Variants in RPGRIP1 observed in about 807,000 individuals in gnomAD.
The protein encoded by RPGRIP1 is X-linked retinitis pigmentosa GTPase regulator-interacting protein 1.
A neutral mutation model predicts 157.9 loss-of-function variants in RPGRIP1; 128 were observed. The observed-to-expected ratio is 0.81, with a 90% CI of 0.70 to 0.94. The LOEUF (loss-of-function observed/expected upper bound fraction) is 0.94. Ranked by LOEUF, RPGRIP1 falls within the 40% of genes least tolerant of loss-of-function variation. The pLI is 0.00. For synonymous variants in RPGRIP1, 554 were observed against 571.6 expected (o/e 0.97, Z 0.44); for missense variants, 1,486 against 1,545.8 (o/e 0.96, Z 0.65).
At chr14:21,351,080 C>T in intron 24 of RPGRIP1, 24 bp from the exon 25 acceptor site, 1 of 1,364,982 alleles carries the variant, frequency 7.3e-7, no homozygotes, top group Non-Finnish European at 1.0e-6. Context: ...CTGAGTGATG[C>T]TGTTTTTTTC....
chr14:21,324,224 G>A, intron 14 of RPGRIP1: 1 of 313,186 alleles, frequency 3.2e-6, no homozygotes, highest in Non-Finnish European at 6.1e-6. Context: ...TATCTCCACG[G>A]CCAATATACC....
Position 21,325,068 on chromosome 14 carries a change from T to C in RPGRIP1, c.2213T>C (p.Ile738Thr), listed in dbSNP as rs1448378996. Reference protein sequence around the residue: ...VEKVHGLATLIGAGGEEFGVL... With the variant: ...VEKVHGLATLTGAGGEEFGVL... ...AAAGTCCATGGCTTGGCCACACTGA[T>C]TGGTAAGTGCCGTTGGCTTCCTGCG... The change falls in exon 15 of 25, where the codon ATT becomes ACT. Residue 738 changes from isoleucine (I) to threonine (T), a missense_variant and splice_region_variant. Physicochemically the swap from Ile to Thr is moderately conservative, Grantham distance 89. Transcript: ENST00000400017. 2.5e-6 allele frequency: 4 copies of C among 1,606,662 alleles called. No individual in the cohort carries two copies. Among genetic ancestry groups the C allele is most frequent in the East Asian group, 2.2e-5 (1 of 44,704 alleles).
At position 21,311,916 on chromosome 14, in the gene RPGRIP1, G is replaced by C; in HGVS notation, c.1023G>C (p.Val341=). The C allele has an allele frequency of 1.9e-6, 3 of 1,613,336 alleles. No individual in the cohort carries two copies. The highest frequency in any genetic ancestry group is 2.5e-6 in the Non-Finnish European group (3 of 1,179,640). The change falls in exon 9 of 25, where the codon GTG becomes GTC. Residue 341 remains valine (V), a synonymous_variant. Coordinates refer to ENST00000400017, the MANE Select transcript of RPGRIP1 (RefSeq NM_020366.4). ...TGAAGGAAGAAAGCAAGAAGGCTGT[G>C]AGCTTGAAGAGCCAACTGGAAGATG... ...AELKEESKKA[V]SLKSQLEDVS...
chr14:21,321,706 G>C, intron 13 of RPGRIP1, 148 bp from the exon 14 acceptor site: 1 of 892,340 alleles, frequency 1.1e-6, no homozygotes, highest in Non-Finnish European at 1.7e-6. Context: ...GTCTTGGAGG[G>C]GTCTGCAAGG....
rs1231166099 is a variant in RPGRIP1 at position 21,325,978 on chromosome 14, A to G, written c.2515A>G (p.Ile839Val). 1 of 1,613,970 alleles carries G rather than the reference A, an allele frequency of 6.2e-7. No individual in the cohort carries two copies. Among genetic ancestry groups the G allele is most frequent in the African/African-American group, 1.3e-5 (1 of 75,026 alleles). Reference protein sequence around the residue: ...FTFSDHDTAIIPASNNPYFRD... With the variant: ...FTFSDHDTAIVPASNNPYFRD... ...CTTTTCTGACCATGACACTGCCATC[A>G]TTCCAGCCAGTAACAACCCCTACTT... The change falls in exon 17 of 25, where the codon ATT becomes GTT. Residue 839 changes from isoleucine to valine, a missense_variant. By Grantham distance (29) the Ile-to-Val change is conservative. Coordinates refer to ENST00000400017, the MANE Select transcript of RPGRIP1 (RefSeq NM_020366.4).
At chr14:21,318,447 C>T (rs1882019145) in intron 11 of RPGRIP1, among the ~76,000 whole-genome samples, 3 of 151,604 alleles carry the variant, frequency 2.0e-5, no homozygotes, top group Admixed American at 1.3e-4. Context: ...TTTAAACGTT[C>T]AGTTTATTGA....
rs781067701 is a variant in RPGRIP1 at position 21,345,163 on chromosome 14, G to A, written c.3583G>A (p.Asp1195Asn). 5.6e-6 allele frequency: 9 copies of A among 1,613,308 alleles called. No homozygotes were observed. The highest frequency in any genetic ancestry group is 2.2e-5 in the South Asian group (2 of 91,030). Reference sequence around the variant, plus strand: ...GCAAGGCCGAAGGCGGTTTCTGTTCGACATGCTGAATGGACAAGATCCTGA... The same window carrying A: ...GCAAGGCCGAAGGCGGTTTCTGTTCAACATGCTGAATGGACAAGATCCTGA... The part of the protein sequence containing the change: ...EQQGRRRFLF[D>N]MLNGQDPDQG... Residue 1195 changes from aspartate (D) to asparagine (N), a missense_variant, in exon 23 of 25, where the codon GAC (aspartate) becomes AAC (asparagine). Physicochemically the swap from Asp to Asn is conservative, Grantham distance 23. Coordinates refer to ENST00000400017, the MANE Select transcript of RPGRIP1 (RefSeq NM_020366.4).
intron 2 of RPGRIP1, 79 bp from the exon 3 acceptor site, chr14:21,294,598 C>A: frequency 7.4e-7 from 1 of 1,353,502 alleles, no homozygotes; most frequent in Non-Finnish European, 1.0e-6. Context: ...GCTCTCTGGA[C>A]AAGATGTGAT....
rs1323014265 is a variant in RPGRIP1, at chr14:21,320,008, T to G, written c.1307-9T>G. On this transcript the variant is annotated splice_polypyrimidine_tract_variant and intron_variant, in intron 11 of 24. Transcript: ENST00000400017. ...CAGAATTTCACATTTCTGGATTATT[T>G]TTCCCCAGCCCAAAATGAGGATCTG... is the stretch of plus-strand genomic sequence containing the variant. 5 of 1,606,108 alleles carry G rather than the reference T, an allele frequency of 3.1e-6. No homozygotes were observed. The highest frequency in any genetic ancestry group is 4.3e-6 in the Non-Finnish European group (5 of 1,176,122).
intron 11 of RPGRIP1, among the ~76,000 whole-genome samples, chr14:21,319,637 G>A (rs1882187846): frequency 6.6e-6 from 1 of 152,130 alleles, no homozygotes; most frequent in African/African-American, 2.4e-5. Flanking sequence ...GTGAAGATGG[G>A]TGCCACAGAG....
chr14:21,313,835 T>C (rs1325620956), intron 10 of RPGRIP1, among the ~76,000 whole-genome samples: 2 of 149,484 alleles, frequency 1.3e-5, no homozygotes, highest in East Asian at 3.9e-4. Context: ...AAGCTGAAAA[T>C]GAATATGTTA....
At position 21,312,518 on chromosome 14, in the gene RPGRIP1, A is replaced by G. The variant is rs1881583368; in HGVS notation, c.1151+12A>G. The G allele has an allele frequency of 1.3e-6, 2 of 1,589,208 alleles. No individual in the cohort carries two copies. The highest frequency in any genetic ancestry group is 4.5e-5 in the East Asian group (2 of 44,672). On this transcript the variant is annotated intron_variant, in intron 10 of 24. Coordinates refer to ENST00000400017, the MANE Select transcript of RPGRIP1 (RefSeq NM_020366.4). Reference sequence around the variant, plus strand: ...AAACTCTTAGAAAGGTGAGTACCACATTTGGGTCCCAGAGCAGTGTTACTA... The same window carrying G: ...AAACTCTTAGAAAGGTGAGTACCACGTTTGGGTCCCAGAGCAGTGTTACTA...
intron 21 of RPGRIP1, among the ~76,000 whole-genome samples, chr14:21,335,188 G>C (rs554990028): frequency 3.3e-5 from 5 of 152,164 alleles, no homozygotes; most frequent in Non-Finnish European, 5.9e-5. Flanking sequence ...ATGAAGGTCG[G>C]CTGGTACAGT....
chr14:21,321,991 C>A lies in RPGRIP1; in HGVS notation c.1749C>A (p.Asp583Glu), dbSNP rs756889126. 6.2e-7 allele frequency: 1 copy of A among 1,612,622 alleles called. No individual in the cohort carries two copies. The highest frequency in any genetic ancestry group is 1.1e-5 in the South Asian group (1 of 90,844). The change falls in exon 14 of 25, where the codon GAC (aspartate) becomes GAA (glutamate). Residue 583 changes from aspartate (D) to glutamate (E), a missense_variant. By Grantham distance (45) the Asp-to-Glu change is conservative (BLOSUM62 2). Transcript: ENST00000400017. ...KQLEGILRSH[D>E]LPTSEQLKDV... Reference sequence around the variant, plus strand: ...TGGAAGGTATTTTAAGAAGCCATGACCTTCCAACATCTGGCAAGTCTTAGT... The same window carrying A: ...TGGAAGGTATTTTAAGAAGCCATGAACTTCCAACATCTGGCAAGTCTTAGT...
At chr14:21,300,015 G>T (rs1880954551) in intron 3 of RPGRIP1, among the ~76,000 whole-genome samples, 1 of 152,216 alleles carries the variant, frequency 6.6e-6, no homozygotes, top group Non-Finnish European at 1.5e-5. Context: ...ACCTCCAAAG[G>T]CCGGGCGCGG....
intron 20 of RPGRIP1, among the ~76,000 whole-genome samples, chr14:21,333,402 A>G (rs1485056162): frequency 6.6e-6 from 1 of 152,156 alleles, no homozygotes; most frequent in Admixed American, 6.6e-5. Flanking sequence ...GAAACAGACA[A>G]CCCAAGACTT....
intron 11 of RPGRIP1, among the ~76,000 whole-genome samples, chr14:21,319,545 A>G (rs1882175927): frequency 6.6e-6 from 1 of 152,088 alleles, no homozygotes; most frequent in East Asian, 1.9e-4. Context: ...TGAGTGATGG[A>G]GTAAGACTGT....
At chr14:21,329,996 T>C (rs531770495) in intron 19 of RPGRIP1, among the ~76,000 whole-genome samples, 1 of 151,154 alleles carries the variant, frequency 6.6e-6, no homozygotes, top group East Asian at 2.0e-4. Context: ...CGGGCTCCTG[T>C]AATCCCAGCT....
chr14:21,317,043 C>T lies in RPGRIP1; in HGVS notation c.1152-653C>T, dbSNP rs146337358. Among the ~76,000 whole-genome samples the T allele has an allele frequency of 1.4e-4, 22 of 151,864 alleles. 1 individual carries two copies. In the East Asian group the frequency reaches 3.9e-3, roughly 27 times the overall value. On this transcript the variant is annotated intron_variant, in intron 10 of 24. Transcript: ENST00000400017. ...GCTGAGGCAGGAGAATCGCTTGAAC[C>T]TGGGAGGCAGAGGTTGCAGTGAGCC...
Sources: allele counts gnomAD v4.1 joint callset (sites outside exome capture counted in the v4.1 genomes callset), GRCh38; gene constraint gnomAD v4.1.1; transcripts MANE v1.5; gene names NCBI Gene and HGNC (gene_info 2026-07-23, HGNC 2026-07-21).